The following KIF16B variants were observed in gnomAD, a reference collection of about 807,000 sequenced individuals.
KIF16B encodes the protein kinesin family member 16B.
KIF16B carries 98 observed loss-of-function variants against 156.3 expected under a neutral mutation model. The observed-to-expected ratio is 0.63, with a 90% CI of 0.53 to 0.74. The LOEUF (loss-of-function observed/expected upper bound fraction) is 0.74, where lower values mean the gene tolerates loss of function less well. Ranked by LOEUF, KIF16B falls within the 30% of genes least tolerant of loss-of-function variation. The probability of loss-of-function intolerance (pLI) is 0.00; values close to 1 mark genes in which losing one functional copy is unlikely to be tolerated. For synonymous variants in KIF16B, 564 were observed against 583.7 expected, an observed-to-expected ratio of 0.97 and a Z score of 0.49; for missense variants, 1,421 against 1,606.5, an observed-to-expected ratio of 0.88 and a Z score of 1.97.
intron 14 of KIF16B, 131 bp from the exon 15 acceptor site, chr20:16,427,372 G>A (rs2066384305): frequency 1.1e-6 from 1 of 873,226 alleles, no homozygotes; most frequent in Non-Finnish European, 1.7e-6. Context: ...ATCATGAAGT[G>A]AACATTTATG....
At position 16,441,075 on chromosome 20, in the gene KIF16B, T is replaced by C. The variant is rs150336017; in HGVS notation, c.1303-11093A>G. On this transcript the variant is annotated intron_variant, in intron 12 of 25. Transcript: ENST00000354981. The stretch of plus-strand genomic sequence containing the variant: ...CACAAGTACTTTAGTATATTTCACC[T>C]ACATGGAAGACCAAAATATTCAGGA... Among the ~76,000 whole-genome samples the C allele has an allele frequency of 3.5e-4, 53 of 152,332 alleles. No individual in the cohort carries two copies. In the East Asian group the frequency reaches 9.1e-3, roughly 26 times the overall value.
chr20:16,491,917 GAGCTT>G (rs2068305445), intron 12 of KIF16B, among the ~76,000 whole-genome samples: 1 of 152,206 alleles, frequency 6.6e-6, no homozygotes, highest in African/African-American at 2.4e-5. Context: ...GAGTATCCAA[GAGCTT>G]AGGATCTGGT....
chr20:16,401,516 T>A (rs1353875160), intron 17 of KIF16B, among the ~76,000 whole-genome samples: 1 of 152,212 alleles, frequency 6.6e-6, no homozygotes, highest in Non-Finnish European at 1.5e-5. Flanking sequence ...GACTCAGGTG[T>A]CTTACTAAAA....
At chr20:16,479,210 A>G (rs1178217290) in intron 12 of KIF16B, among the ~76,000 whole-genome samples, 2 of 152,204 alleles carry the variant, frequency 1.3e-5, no homozygotes, top group Non-Finnish European at 2.9e-5. Flanking sequence ...TTGCAGGGAC[A>G]TGGATGGAGC....
chr20:16,376,144 T>C (rs537447555), intron 19 of KIF16B, among the ~76,000 whole-genome samples: 10 of 152,358 alleles, frequency 6.6e-5, no homozygotes, highest in African/African-American at 9.6e-5. Context: ...TTATTCTTCA[T>C]GGTTTTCATC....
chr20:16,538,792 G>C (rs779507237), intron 1 of KIF16B, among the ~76,000 whole-genome samples: 1 of 152,146 alleles, frequency 6.6e-6, no homozygotes, highest in African/African-American at 2.4e-5. Context: ...GGCCTGGTGG[G>C]AGGTGATTGG....
At chr20:16,551,038 A>C (rs1345675636) in intron 1 of KIF16B, among the ~76,000 whole-genome samples, 1 of 152,146 alleles carries the variant, frequency 6.6e-6, no homozygotes, top group African/African-American at 2.4e-5. Flanking sequence ...ACATGATTTA[A>C]CCCAGCTAGG....
rs1053100298 is a variant in KIF16B, at chr20:16,429,703, A to G, written c.1422+160T>C. On this transcript the variant is annotated intron_variant, in intron 13 of 25. Coordinates refer to ENST00000354981, the MANE Select transcript of KIF16B (RefSeq NM_024704.5). ...GAACTTTAAATACCAAAGAATCCCA[A>G]TGAGCTTCTGAAAATTCCCAAAGGG... is the stretch of plus-strand genomic sequence containing the variant. Among the ~76,000 whole-genome samples the G allele has an allele frequency of 7.2e-5, 11 of 152,236 alleles. No individual in the cohort carries two copies. In the East Asian group the frequency reaches 1.5e-3, roughly 21 times the overall value.
At chr20:16,351,042 T>G (rs1279401435) in intron 23 of KIF16B, among the ~76,000 whole-genome samples, 1 of 151,224 alleles carries the variant, frequency 6.6e-6, no homozygotes, top group Admixed American at 6.6e-5. Flanking sequence ...AGAAGGGGAG[T>G]ACCCCTGGTG....
chr20:16,544,742 C>G (rs2147252655), intron 1 of KIF16B, among the ~76,000 whole-genome samples: 1 of 151,874 alleles, frequency 6.6e-6, no homozygotes, highest in East Asian at 1.9e-4. Context: ...TGATGGGCTA[C>G]TATACATTTG....
intron 1 of KIF16B, among the ~76,000 whole-genome samples, chr20:16,563,810 A>C (rs1403511522): frequency 6.6e-6 from 1 of 152,070 alleles, no homozygotes; most frequent in Non-Finnish European, 1.5e-5. Context: ...ACCTTGTATA[A>C]GTGTATTTTG....
intron 19 of KIF16B, among the ~76,000 whole-genome samples, chr20:16,376,564 C>T (rs1408684855): frequency 1.3e-5 from 2 of 152,332 alleles, no homozygotes; most frequent in African/African-American, 4.8e-5. Context: ...GCAGTCAGAG[C>T]AGAGAGCCCG....
intron 21 of KIF16B, 134 bp from the exon 22 acceptor site, chr20:16,370,770 C>G: frequency 1.5e-6 from 1 of 660,210 alleles, no homozygotes; most frequent in Non-Finnish European, 2.5e-6. Context: ...GACAACCCTT[C>G]TATATAATTT....
intron 24 of KIF16B, among the ~76,000 whole-genome samples, chr20:16,315,893 G>T (rs1451247320): frequency 6.6e-6 from 1 of 152,150 alleles, no homozygotes; most frequent in Non-Finnish European, 1.5e-5. Context: ...GGTGGGGCTG[G>T]GGCATGAACA....
chr20:16,294,273 C>T (rs2063352589), intron 25 of KIF16B, among the ~76,000 whole-genome samples: 1 of 152,202 alleles, frequency 6.6e-6, no homozygotes, highest in African/African-American at 2.4e-5. Context: ...TGCCCAACCA[C>T]CCCATGAGAG....
intron 22 of KIF16B, among the ~76,000 whole-genome samples, chr20:16,363,854 T>C (rs2144890): frequency 0.68 from 103,222 of 152,080 alleles, 36,248 homozygotes; most frequent in East Asian, 0.97. Flanking sequence ...GGGTTGTTTG[T>C]TATTTGGCAA....
intron 12 of KIF16B, among the ~76,000 whole-genome samples, chr20:16,433,161 C>A (rs1181271561): frequency 6.6e-6 from 1 of 152,096 alleles, no homozygotes. Flanking sequence ...AATCACACAG[C>A]TCTATTTCAT....
In KIF16B at chr20:16,495,141, A is replaced by G. The variant is rs553192232; in HGVS notation, c.1243-791T>C. Among the ~76,000 whole-genome samples, 9 of 152,346 alleles carry G rather than the reference A, an allele frequency of 5.9e-5. No individual in the cohort carries two copies. The East Asian group carries it at 1.7e-3, about 29-fold the overall frequency. On this transcript the variant is annotated intron_variant, in intron 11 of 25. Coordinates refer to ENST00000354981, the MANE Select transcript of KIF16B (RefSeq NM_024704.5). ...CTGTGGAAAGGAAGAGCCAAGGTCT[A>G]TAGGAGAGTAGCTTCAGAAAGGGGA...
chr20:16,437,976 T>TAAA (rs1175714230), intron 12 of KIF16B, among the ~76,000 whole-genome samples: 6 of 107,810 alleles, frequency 5.6e-5, no homozygotes, highest in African/African-American at 1.8e-4. Flanking sequence ...CTACTAAAAA[T>TAAA]AAAAAAAAAT....
Sources: allele counts gnomAD v4.1 joint callset (sites outside exome capture counted in the v4.1 genomes callset), GRCh38; gene constraint gnomAD v4.1.1; transcripts MANE v1.5; gene names NCBI Gene and HGNC (gene_info 2026-07-23, HGNC 2026-07-21).